ZNF362: variants seen among roughly 807,000 people sequenced by gnomAD.
The protein encoded by ZNF362 is zinc finger protein 362.
Under a neutral mutation model 42.9 loss-of-function variants are expected in ZNF362, and 11 were observed. The observed-to-expected ratio is 0.26, with a 90% CI of 0.16 to 0.42. ZNF362 has a LOEUF of 0.42. ZNF362 is among the 20% of genes least tolerant of loss of function. The probability of loss-of-function intolerance (pLI) is 1.00; values close to 1 mark genes in which losing one functional copy is unlikely to be tolerated. For synonymous variants in ZNF362, 255 were observed against 257.3 expected (o/e 0.99, Z 0.09); for missense variants, 362 against 576.2 (o/e 0.63, Z 3.81).
chr1:33,161,887 C>T, the ZNF362 span, among the ~76,000 whole-genome samples: 5 of 152,154 alleles, frequency 3.3e-5, no homozygotes, highest in Admixed American at 6.5e-5. This position sits in a 1 kb window ranked among gnomAD's most constrained non-coding sequence, Gnocchi z 4.3. Flanking sequence ...CCATGTTCCT[C>T]GGGGCTCATC....
chr1:33,147,750 A>G, the ZNF362 span: 1 of 1,598,800 alleles, frequency 6.3e-7, no homozygotes, highest in East Asian at 2.2e-5. This position sits in a 1 kb window ranked among gnomAD's most constrained non-coding sequence, Gnocchi z 8.1. Context: ...GAGGAGGGAG[A>G]GAAGATGAGT....
the ZNF362 span, among the ~76,000 whole-genome samples, chr1:33,176,766 G>A: frequency 3.9e-5 from 6 of 152,314 alleles, no homozygotes; most frequent in Middle Eastern, 3.4e-3. Flanking sequence ...TACCAGCTGC[G>A]TGACCAAATG....
the ZNF362 span, among the ~76,000 whole-genome samples, chr1:33,244,801 G>A: frequency 6.6e-6 from 1 of 152,234 alleles, no homozygotes; most frequent in African/African-American, 2.4e-5. This position sits in a 1 kb window ranked among gnomAD's most constrained non-coding sequence, Gnocchi z 4.0. Flanking sequence ...GGGCCTGAGT[G>A]TGGGCCTGGC....
intron 6 of ZNF362, among the ~76,000 whole-genome samples, chr1:33,289,425 C>T (rs553238156): frequency 6.6e-6 from 1 of 152,050 alleles, no homozygotes. Flanking sequence ...GCAGCTTCAG[C>T]CGTGCCGAGG....
the ZNF362 span, among the ~76,000 whole-genome samples, chr1:33,231,397 C>T: frequency 3.3e-5 from 5 of 152,194 alleles, 1 homozygote; most frequent in East Asian, 1.9e-4. Context: ...GACATTTTCT[C>T]GTGCTTTAGC....
the ZNF362 span, chr1:33,147,822 G>T: frequency 1.4e-6 from 2 of 1,404,744 alleles, no homozygotes; most frequent in Non-Finnish European, 1.9e-6. The surrounding 1 kb of genome is among the most constrained non-coding windows in gnomAD (Gnocchi z 8.1). Flanking sequence ...TGGTTGGTAC[G>T]CAGGAGGCCT....
At chr1:33,181,058 G>A in the ZNF362 span, 96 of 1,597,456 alleles carry the variant, frequency 6.0e-5, 1 homozygote, top group Middle Eastern at 3.3e-4. This position sits in a 1 kb window ranked among gnomAD's most constrained non-coding sequence, Gnocchi z 6.5. Flanking sequence ...CGATGCCGGT[G>A]ACCTGATGCT....
the ZNF362 span, chr1:33,160,013 A>G: frequency 3.2e-6 from 5 of 1,562,170 alleles, no homozygotes; most frequent in African/African-American, 6.8e-5. Flanking sequence ...TGAGAGGAGG[A>G]AATCGAGAGC....
At chr1:33,172,973 G>A in the ZNF362 span, among the ~76,000 whole-genome samples, 2 of 152,160 alleles carry the variant, frequency 1.3e-5, no homozygotes, top group African/African-American at 4.8e-5. Flanking sequence ...CCAGCATGGC[G>A]CTGCACACAA....
At chr1:33,173,457 A>G in the ZNF362 span, among the ~76,000 whole-genome samples, 13 of 151,982 alleles carry the variant, frequency 8.6e-5, no homozygotes, top group African/African-American at 3.1e-4. Flanking sequence ...GTGTGCATGT[A>G]TGTGCACATT....
the ZNF362 span, among the ~76,000 whole-genome samples, chr1:33,149,252 A>G: frequency 2.2e-4 from 33 of 152,324 alleles, no homozygotes; most frequent in South Asian, 4.1e-4. Context: ...TCCCAGGTTC[A>G]AGTGATTCTC....
chr1:33,199,755 T>C, the ZNF362 span: 111,215 of 152,186 alleles, frequency 0.73, 40,852 homozygotes, highest in Non-Finnish European at 0.76. Context: ...TGATGGCTCA[T>C]GCCTGTAATC....
At chr1:33,143,771 C>A in the ZNF362 span, among the ~76,000 whole-genome samples, 1 of 152,216 alleles carries the variant, frequency 6.6e-6, no homozygotes, top group East Asian at 1.9e-4. Context: ...CCTGGGCTCC[C>A]AGGGGTGCTG....
the ZNF362 span, among the ~76,000 whole-genome samples, chr1:33,206,842 A>G: frequency 1.3e-5 from 2 of 152,228 alleles, no homozygotes; most frequent in African/African-American, 2.4e-5. Flanking sequence ...CGACATCATT[A>G]ATCATTAAGG....
chr1:33,250,773 G>A, the ZNF362 span, among the ~76,000 whole-genome samples: 1 of 149,050 alleles, frequency 6.7e-6, no homozygotes, highest in Non-Finnish European at 1.5e-5. Context: ...AAAGAAGAAG[G>A]AAGAAGAAAG....
the ZNF362 span, among the ~76,000 whole-genome samples, chr1:33,250,896 G>GAAGAAGAAGAAGAAGAAGAAGGAGA: frequency 2.5e-5 from 1 of 39,924 alleles, no homozygotes; most frequent in Non-Finnish European, 5.6e-5. Context: ...GAAGAAGAAG[G>GAAGAAGAAGAAGAAGAAGAAGGAGA]AGAAGAAGAA....
the ZNF362 span, among the ~76,000 whole-genome samples, chr1:33,250,892 GA>G: frequency 7.2e-5 from 11 of 152,166 alleles, no homozygotes; most frequent in Non-Finnish European, 1.6e-4. Context: ...AGAAGAAGAA[GA>G]AGGAGAAGAA....
At chr1:33,189,058 C>T in the ZNF362 span, among the ~76,000 whole-genome samples, 1 of 152,222 alleles carries the variant, frequency 6.6e-6, no homozygotes, top group African/African-American at 2.4e-5. Flanking sequence ...ACTCTTTCTG[C>T]ACCAAGTTGA....
At chr1:33,147,346 A>C in the ZNF362 span, 1 of 1,614,218 alleles carries the variant, frequency 6.2e-7, no homozygotes, top group East Asian at 2.2e-5. This position sits in a 1 kb window ranked among gnomAD's most constrained non-coding sequence, Gnocchi z 8.1. Flanking sequence ...GTCATAGTCC[A>C]GGAAGACACC....
Sources: gnomAD v4.1 joint callset for allele counts (sites outside exome capture counted in the v4.1 genomes callset) on GRCh38, gnomAD v4.1.1 for gene constraint, Gnocchi (gnomAD v3.1) non-coding constraint, MANE v1.5 for transcripts, NCBI Gene and HGNC (gene_info 2026-07-23, HGNC 2026-07-21) for gene names.